ST3GAL3: variants seen among roughly 807,000 people sequenced by gnomAD.
The protein encoded by ST3GAL3 is CMP-N-acetylneuraminate-beta-1,4-galactoside alpha-2,3-sialyltransferase.
In ST3GAL3, 21 loss-of-function variants were observed where a neutral mutation model predicts 50.1. The observed-to-expected ratio is 0.42, with a 90% confidence interval of 0.30 to 0.60. The LOEUF (loss-of-function observed/expected upper bound fraction) is 0.60, where lower values mean the gene tolerates loss of function less well. Among genes scored for constraint, ST3GAL3 ranks in the 20% least tolerant of loss-of-function variants. ST3GAL3 has a pLI of 0.19. For missense variants in ST3GAL3, 353 were observed against 489.4 expected (o/e 0.72, Z 2.63); for synonymous variants, 183 against 190.0 (o/e 0.96, Z 0.30).
intron 9 of ST3GAL3, among the ~76,000 whole-genome samples, chr1:43,918,516 A>G (rs2082468208): frequency 6.6e-6 from 1 of 152,170 alleles, no homozygotes; most frequent in Non-Finnish European, 1.5e-5. Context: ...AAAATTTTCC[A>G]ATCTCATTTG....
rs1429944484 is a variant in ST3GAL3 at position 43,920,945 on chromosome 1, G to T, written c.1038+17G>T. 1.9e-6 allele frequency: 3 copies of T among 1,594,242 alleles called. No individual in the cohort carries two copies. The highest frequency in any genetic ancestry group is 2.6e-6 in the Non-Finnish European group (3 of 1,169,716). ...ATCAAAGAGGTTCGGGGCTGGGTAT[G>T]GGGGCAATCCCTGGGTGGGGATGAG... On this transcript the variant is annotated intron_variant, in intron 11 of 11. Coordinates refer to ENST00000347631, the MANE Select transcript of ST3GAL3 (RefSeq NM_006279.5).
chr1:43,843,753 C>T (rs896835854), intron 5 of ST3GAL3, among the ~76,000 whole-genome samples: 2 of 152,242 alleles, frequency 1.3e-5, no homozygotes, highest in Non-Finnish European at 2.9e-5. Flanking sequence ...CCACTGAACA[C>T]ACTTCTGACA....
chr1:43,820,910 C>T (rs2062012014), intron 4 of ST3GAL3, among the ~76,000 whole-genome samples: 1 of 152,144 alleles, frequency 6.6e-6, no homozygotes, highest in African/African-American at 2.4e-5. Context: ...AAAGTGGTGA[C>T]AATAGTAATA....
chr1:43,905,241 C>T (rs1192086698), intron 9 of ST3GAL3, among the ~76,000 whole-genome samples: 7 of 113,530 alleles, frequency 6.2e-5, no homozygotes, highest in East Asian at 3.1e-4. Flanking sequence ...CTCTTCCTCC[C>T]CCTCCTCCTC....
chr1:43,736,719 C>A (rs182994432), intron 2 of ST3GAL3: 172 of 391,522 alleles, frequency 4.4e-4, no homozygotes, highest in Non-Finnish European at 6.3e-5. Context: ...CTCTATTTTG[C>A]CATTTATTGC....
intron 9 of ST3GAL3, among the ~76,000 whole-genome samples, chr1:43,904,477 T>G (rs1395420784): frequency 6.6e-6 from 1 of 151,950 alleles, no homozygotes; most frequent in Non-Finnish European, 1.5e-5. Flanking sequence ...TGGCCGCAGC[T>G]CTTTCTCCCA....
chr1:43,838,441 G>A, intron 5 of ST3GAL3, 130 bp downstream of exon 5: 8 of 882,476 alleles, frequency 9.1e-6, no homozygotes, highest in Admixed American at 1.8e-5. Flanking sequence ...AAAGGACTCT[G>A]CCTTTAAGTT....
At chr1:43,801,135 A>G (rs2059268935) in intron 3 of ST3GAL3, 2 of 379,872 alleles carry the variant, frequency 5.3e-6, no homozygotes, top group African/African-American at 2.1e-5. Context: ...AAGCACGGCA[A>G]TTTCTGATAG....
intron 5 of ST3GAL3, among the ~76,000 whole-genome samples, chr1:43,858,987 C>T (rs1458491337): frequency 1.3e-5 from 2 of 152,180 alleles, no homozygotes; most frequent in African/African-American, 4.8e-5. Flanking sequence ...GAAGCCACGG[C>T]CCTACTCAGG....
At chr1:43,914,016 G>A (rs911236465) in intron 9 of ST3GAL3, 9 of 152,186 alleles carry the variant, frequency 5.9e-5, no homozygotes, top group South Asian at 2.1e-4. Context: ...GACACACTCA[G>A]TATCCTCAAA....
chr1:43,735,247 T>C (rs1307977757), intron 1 of ST3GAL3, among the ~76,000 whole-genome samples: 1 of 152,208 alleles, frequency 6.6e-6, no homozygotes, highest in Non-Finnish European at 1.5e-5. Flanking sequence ...TATGAATTTG[T>C]TACTCGACAT....
intron 2 of ST3GAL3, among the ~76,000 whole-genome samples, chr1:43,775,233 A>ATTT (rs60327798): frequency 1.4e-5 from 2 of 142,278 alleles, no homozygotes; most frequent in Admixed American, 7.1e-5. Context: ...GGAAATCTGA[A>ATTT]TTTTTTTTTT....
rs1015499460 is a variant in ST3GAL3 at position 43,880,295 on chromosome 1, A to G, written c.303-14088A>G. Among the ~76,000 whole-genome samples, 3 of 152,266 alleles carry G rather than the reference A, an allele frequency of 2.0e-5. No individual in the cohort carries two copies. In the East Asian group the frequency reaches 5.8e-4, roughly 29 times the overall value. ...CTATTCATAAGTCCCTACAGTCTACACCCTCACACTACAACCCCAAATCTT... is the reference window on the plus strand; with the variant it reads ...CTATTCATAAGTCCCTACAGTCTACGCCCTCACACTACAACCCCAAATCTT... On this transcript the variant is annotated intron_variant, in intron 5 of 11. Transcript: ENST00000347631.
chr1:43,883,738 TG>T (rs1490569995), intron 5 of ST3GAL3, among the ~76,000 whole-genome samples: 1 of 152,156 alleles, frequency 6.6e-6, no homozygotes, highest in Non-Finnish European at 1.5e-5. Flanking sequence ...CTGCCGTTGA[TG>T]GGGGCTACTT....
chr1:43,782,640 C>A (rs4660748), intron 2 of ST3GAL3, among the ~76,000 whole-genome samples: 3,877 of 152,238 alleles, frequency 0.025, 111 homozygotes, highest in Admixed American at 0.079. Flanking sequence ...GGTGATGATG[C>A]TGATGATAAA....
At chr1:43,710,597 A>G (rs1211084267) in intron 1 of ST3GAL3, among the ~76,000 whole-genome samples, 3 of 152,196 alleles carry the variant, frequency 2.0e-5, no homozygotes, top group Non-Finnish European at 4.4e-5. Context: ...CATGGGCAAT[A>G]TGGGCAAACT....
chr1:43,911,634 T>TATAGATATAGCTGTAGCTATAG (rs1557497166), intron 9 of ST3GAL3, among the ~76,000 whole-genome samples: 1 of 127,762 alleles, frequency 7.8e-6, no homozygotes, highest in African/African-American at 3.3e-5. Flanking sequence ...TATAGATATC[T>TATAGATATAGCTGTAGCTATAG]ATATCTATAG....
chr1:43,772,169 C>T, intron 2 of ST3GAL3: 1 of 396,282 alleles, frequency 2.5e-6, no homozygotes, highest in Non-Finnish European at 4.4e-6. Flanking sequence ...CCTGCCTCAG[C>T]CTCCCCAGTA....
chr1:43,710,182 A>G (rs889959504), intron 1 of ST3GAL3, among the ~76,000 whole-genome samples: 2 of 152,052 alleles, frequency 1.3e-5, no homozygotes, highest in African/African-American at 4.8e-5. Context: ...CCTGGGTTAA[A>G]GTAATTCTCC....
Sources: gnomAD v4.1 joint callset for allele counts (sites outside exome capture counted in the v4.1 genomes callset) on GRCh38, gnomAD v4.1.1 for gene constraint, MANE v1.5 for transcripts, NCBI Gene and HGNC (gene_info 2026-07-23, HGNC 2026-07-21) for gene names.